Variants in FHIP1A observed in about 807,000 individuals in gnomAD.
FHIP1A encodes FHF complex subunit HOOK interacting protein 1A.
Under a neutral mutation model 88.6 loss-of-function variants are expected in FHIP1A, and 61 were observed. The ratio of observed to expected loss-of-function variants is 0.69; its 90% CI spans 0.56 to 0.85. FHIP1A has a LOEUF of 0.85. Ranked by LOEUF, FHIP1A falls within the 40% of genes least tolerant of loss-of-function variation. The pLI is 0.00. For synonymous variants in FHIP1A, 478 were observed against 496.0 expected (o/e 0.96, Z 0.48); for missense variants, 1,154 against 1,273.5 (o/e 0.91, Z 1.43).
At chr4:151,434,232 G>A (rs1221509958) in intron 1 of FHIP1A, among the ~76,000 whole-genome samples, 2 of 152,080 alleles carry the variant, frequency 1.3e-5, no homozygotes, top group African/African-American at 2.4e-5. Flanking sequence ...CTCTTTGGCT[G>A]TAAGTCCTAG....
chr4:151,551,801 A>C (rs1168228978), intron 3 of FHIP1A, among the ~76,000 whole-genome samples: 1 of 152,218 alleles, frequency 6.6e-6, no homozygotes, highest in Non-Finnish European at 1.5e-5. Flanking sequence ...AAAACACCAA[A>C]AGCAATGGCA....
intron 4 of FHIP1A, among the ~76,000 whole-genome samples, chr4:151,570,827 A>G (rs543524767): frequency 3.2e-4 from 48 of 152,174 alleles, no homozygotes; most frequent in Non-Finnish European, 4.3e-4. Context: ...AGCTTTCAAC[A>G]TACACTAATT....
chr4:151,502,956 T>C (rs73861849), intron 3 of FHIP1A, among the ~76,000 whole-genome samples: 3,106 of 152,250 alleles, frequency 0.02, 105 homozygotes, highest in African/African-American at 0.07. Context: ...CTACATTAAC[T>C]TCATATTCTT....
At chr4:151,629,048 A>G (rs1420284693) in intron 7 of FHIP1A, among the ~76,000 whole-genome samples, 1 of 152,204 alleles carries the variant, frequency 6.6e-6, no homozygotes, top group East Asian at 1.9e-4. Context: ...TTAATTTGTT[A>G]TAAAAAAGTC....
intron 7 of FHIP1A, 121 bp from the exon 8 acceptor site, chr4:151,629,581 C>T (rs556433880): frequency 1.4e-4 from 107 of 759,130 alleles, no homozygotes; most frequent in Admixed American, 1.4e-3. Context: ...AGTGTGTTTT[C>T]GTGGGCAGGC....
chr4:151,445,396 T>C (rs1728555552), intron 1 of FHIP1A, among the ~76,000 whole-genome samples: 1 of 152,064 alleles, frequency 6.6e-6, no homozygotes, highest in Non-Finnish European at 1.5e-5. Flanking sequence ...ATTTATGTAG[T>C]AGGCATGATT....
intron 1 of FHIP1A, among the ~76,000 whole-genome samples, chr4:151,438,797 G>T (rs761443702): frequency 6.6e-6 from 1 of 151,384 alleles, no homozygotes; most frequent in African/African-American, 2.4e-5. Context: ...ACACACCACC[G>T]CACCTGGCTA....
chr4:151,545,604 C>T (rs1019287810), intron 3 of FHIP1A, among the ~76,000 whole-genome samples: 4 of 151,908 alleles, frequency 2.6e-5, no homozygotes, highest in Admixed American at 6.6e-5. Flanking sequence ...GTCTCGATCT[C>T]CTGACCTCGT....
chr4:151,638,528 T>G lies in FHIP1A; in HGVS notation c.1147-149T>G, dbSNP rs1313835262. 5 of 534,538 alleles carry G rather than the reference T, an allele frequency of 9.4e-6. No individual in the cohort carries two copies. In the African/African-American group the frequency reaches 9.7e-5, roughly 10 times the overall value. The allele number at this position is 534,538 out of a possible 1,614,324, so 33.1% of individuals were successfully genotyped here. A position where few individuals can be genotyped will look rare whatever the true frequency, so the allele number is the denominator to read the frequency against. ...GGAGAATTGATATCCTGAATACACA[T>G]TCTCCCTGGCAGCAGCATGCTTTTT... On this transcript the variant is annotated intron_variant, in intron 8 of 13. Coordinates refer to ENST00000435205, the MANE Select transcript of FHIP1A (RefSeq NM_001109977.3).
intron 7 of FHIP1A, among the ~76,000 whole-genome samples, chr4:151,590,095 T>A (rs1236609215): frequency 6.6e-6 from 1 of 152,226 alleles, no homozygotes; most frequent in Non-Finnish European, 1.5e-5. Flanking sequence ...TTTGTCAGTA[T>A]TCTGTTGTTC....
intron 1 of FHIP1A, among the ~76,000 whole-genome samples, chr4:151,439,312 A>G (rs1337252650): frequency 6.6e-6 from 1 of 152,176 alleles, no homozygotes; most frequent in Non-Finnish European, 1.5e-5. Flanking sequence ...ATTATTTATG[A>G]CAAGTATTTA....
chr4:151,417,319 CTGAT>C (rs1732933441), intron 1 of FHIP1A, among the ~76,000 whole-genome samples: 1 of 152,074 alleles, frequency 6.6e-6, no homozygotes, highest in African/African-American at 2.4e-5. Flanking sequence ...CAAGATCTGT[CTGAT>C]TGGTTGCAGA....
chr4:151,412,903 C>T (rs556901002), intron 1 of FHIP1A, among the ~76,000 whole-genome samples: 8 of 151,866 alleles, frequency 5.3e-5, no homozygotes, highest in East Asian at 1.9e-4. Flanking sequence ...AGGCTGGTCT[C>T]GAACTCCTGA....
chr4:151,651,117 T>G (rs1737015535), intron 11 of FHIP1A, among the ~76,000 whole-genome samples: 1 of 152,180 alleles, frequency 6.6e-6, no homozygotes, highest in South Asian at 2.1e-4. Flanking sequence ...TAGCTGTGCC[T>G]TTGCCTGGGA....
intron 7 of FHIP1A, among the ~76,000 whole-genome samples, chr4:151,619,776 A>T (rs759366914): frequency 1.3e-5 from 2 of 152,232 alleles, no homozygotes; most frequent in Admixed American, 6.5e-5. Flanking sequence ...CTTACAAAGC[A>T]TATTTTATTT....
At chr4:151,546,046 G>C (rs372695496) in intron 3 of FHIP1A, among the ~76,000 whole-genome samples, 2 of 152,290 alleles carry the variant, frequency 1.3e-5, no homozygotes, top group African/African-American at 4.8e-5. Flanking sequence ...ATGTGGGTGG[G>C]TGGGCAGACT....
At chr4:151,470,499 A>G (rs1729470380) in intron 2 of FHIP1A, among the ~76,000 whole-genome samples, 1 of 152,148 alleles carries the variant, frequency 6.6e-6, no homozygotes, top group South Asian at 2.1e-4. Context: ...CGGGTCAGTA[A>G]AAAAGGTATT....
At chr4:151,548,970 G>A (rs1732615906) in intron 3 of FHIP1A, among the ~76,000 whole-genome samples, 1 of 152,192 alleles carries the variant, frequency 6.6e-6, no homozygotes, top group African/African-American at 2.4e-5. Context: ...ACAGGGGAGG[G>A]GCAGGAGTTC....
In FHIP1A at chr4:151,649,855, C is replaced by T; in HGVS notation, c.1814C>T (p.Ser605Leu). 2 of 1,551,580 alleles carry T rather than the reference C, an allele frequency of 1.3e-6. No individual in the cohort carries two copies. The highest frequency in any genetic ancestry group is 1.7e-6 in the Non-Finnish European group (2 of 1,146,964). ...GGGCCTTATGATGATCTGGAGGTTTCAGGCCCCCCAGCACCCATTGATCCC... is the reference window on the plus strand; with the variant it reads ...GGGCCTTATGATGATCTGGAGGTTTTAGGCCCCCCAGCACCCATTGATCCC... ...SPGPYDDLEV[S>L]GPPAPIDPPK... is the part of the protein sequence containing the mutation. Residue 605 changes from serine to leucine, a missense_variant, in exon 11 of 14, where the codon TCA (serine) becomes TTA (leucine). Physicochemically the swap from Ser to Leu is moderately radical, Grantham distance 145. Coordinates refer to ENST00000435205, the MANE Select transcript of FHIP1A (RefSeq NM_001109977.3).
Sources: allele counts gnomAD v4.1 joint callset (sites outside exome capture counted in the v4.1 genomes callset), GRCh38; gene constraint gnomAD v4.1.1; transcripts MANE v1.5; gene names NCBI Gene and HGNC (gene_info 2026-07-23, HGNC 2026-07-21).